The following ASTN2 variants were observed in gnomAD, a reference collection of about 807,000 sequenced individuals.
The protein encoded by ASTN2 is astrotactin 2.
ASTN2 carries 54 observed loss-of-function variants against 139.8 expected under a neutral mutation model. The ratio of observed to expected loss-of-function variants is 0.39; its 90% confidence interval spans 0.31 to 0.48. ASTN2 has a LOEUF of 0.48. Ranked by LOEUF, ASTN2 falls within the 20% of genes least tolerant of loss-of-function variation. ASTN2 has a pLI of 0.95. For synonymous variants in ASTN2, 756 were observed against 719.5 expected, an observed-to-expected ratio of 1.05 and a Z score of -0.81; for missense variants, 1,565 against 1,725.1, an observed-to-expected ratio of 0.91 and a Z score of 1.64.
intron 22 of ASTN2, among the ~76,000 whole-genome samples, chr9:116,436,605 T>C (rs931537090): frequency 6.6e-6 from 1 of 152,172 alleles, no homozygotes; most frequent in Non-Finnish European, 1.5e-5. Flanking sequence ...GCAGGAAAGA[T>C]AGTTAAACCA....
chr9:117,256,640 T>C (rs1333484177), intron 2 of ASTN2, among the ~76,000 whole-genome samples: 4 of 152,078 alleles, frequency 2.6e-5, no homozygotes, highest in South Asian at 2.1e-4. Context: ...AAATCTAGAC[T>C]ACGTTATAGT....
chr9:116,710,269 G>A (rs1256558304), intron 16 of ASTN2, among the ~76,000 whole-genome samples: 1 of 152,076 alleles, frequency 6.6e-6, no homozygotes, highest in Non-Finnish European at 1.5e-5. Flanking sequence ...TCCCTAGAAA[G>A]CTTCATTATG....
In ASTN2 at chr9:117,265,162, C is replaced by A. The variant is rs562203290; in HGVS notation, c.630+26164G>T. Reference sequence around the variant, plus strand: ...TAGGAATTTGACTGTAAGTGGCTTACTTGGAAAGTGATTTCAGAAATAACT... The same window carrying A: ...TAGGAATTTGACTGTAAGTGGCTTAATTGGAAAGTGATTTCAGAAATAACT... On this transcript the variant is annotated intron_variant, in intron 2 of 22. Coordinates refer to ENST00000313400, the MANE Select transcript of ASTN2 (RefSeq NM_001365068.1). Among the ~76,000 whole-genome samples, 107 of 152,196 alleles carry A rather than the reference C, an allele frequency of 7.0e-4. 1 individual carries two copies. The South Asian group carries it at 0.021, about 30-fold the overall frequency.
intron 10 of ASTN2, among the ~76,000 whole-genome samples, chr9:116,906,522 C>A (rs149895341): frequency 2.3e-4 from 35 of 152,288 alleles, no homozygotes; most frequent in African/African-American, 6.0e-4. Flanking sequence ...CTCTTCCCAA[C>A]GCCCATGGAA....
At chr9:116,929,967 G>A (rs1340480160) in intron 10 of ASTN2, among the ~76,000 whole-genome samples, 1 of 152,206 alleles carries the variant, frequency 6.6e-6, no homozygotes, top group Non-Finnish European at 1.5e-5. Flanking sequence ...AATCTCAGCT[G>A]TCAGTCCCCT....
chr9:117,264,771 T>A (rs1833904122), intron 2 of ASTN2, among the ~76,000 whole-genome samples: 1 of 152,364 alleles, frequency 6.6e-6, no homozygotes, highest in Admixed American at 6.5e-5. Flanking sequence ...TTAACGTTTT[T>A]GTTTGCTTGT....
At chr9:117,404,857 A>G (rs568653552) in intron 1 of ASTN2, among the ~76,000 whole-genome samples, 1 of 152,302 alleles carries the variant, frequency 6.6e-6, no homozygotes, top group South Asian at 2.1e-4. Flanking sequence ...AAGGGGGAAA[A>G]AAAAGAAGGA....
At chr9:116,624,410 T>C (rs1430733542) in intron 17 of ASTN2, among the ~76,000 whole-genome samples, 3 of 152,176 alleles carry the variant, frequency 2.0e-5, no homozygotes, top group Admixed American at 1.3e-4. Context: ...AAAGGATCCG[T>C]GGCTTATTAG....
chr9:117,344,200 C>T (rs1829147316), intron 1 of ASTN2, among the ~76,000 whole-genome samples: 1 of 151,968 alleles, frequency 6.6e-6, no homozygotes, highest in South Asian at 2.1e-4. Flanking sequence ...AAAAACCCAT[C>T]CCCAAAAGCA....
intron 2 of ASTN2, among the ~76,000 whole-genome samples, chr9:117,237,002 G>C (rs1200598517): frequency 6.6e-6 from 1 of 152,154 alleles, no homozygotes; most frequent in Non-Finnish European, 1.5e-5. Flanking sequence ...CCAATTGCCA[G>C]TCTCAGATTA....
In ASTN2 at chr9:116,737,139, G is replaced by A. The variant is rs1574524; in HGVS notation, c.2397-3616C>T. Reference sequence around the variant, plus strand: ...TGGCAGGTAGGCGGAGATGAAGCCCGAATGAACAGCCCAGCGACGGCATGG... The same window carrying A: ...TGGCAGGTAGGCGGAGATGAAGCCCAAATGAACAGCCCAGCGACGGCATGG... On this transcript the variant is annotated intron_variant, in intron 13 of 22. Coordinates refer to ENST00000313400, the MANE Select transcript of ASTN2 (RefSeq NM_001365068.1). Among the ~76,000 whole-genome samples, 944 of 152,370 alleles carry A rather than the reference G, an allele frequency of 6.2e-3. 60 individuals are homozygous for A. In the South Asian group the frequency reaches 0.16, roughly 26 times the overall value.
chr9:116,489,008 T>C (rs1427268504), intron 19 of ASTN2, among the ~76,000 whole-genome samples: 2 of 152,200 alleles, frequency 1.3e-5, no homozygotes, highest in Non-Finnish European at 2.9e-5. Context: ...TATAAAATGA[T>C]ATGAGGCCTC....
At chr9:116,938,081 A>T (rs1835126974) in intron 10 of ASTN2, among the ~76,000 whole-genome samples, 1 of 152,218 alleles carries the variant, frequency 6.6e-6, no homozygotes, top group Non-Finnish European at 1.5e-5. Context: ...TTGTTCAATC[A>T]TGCAGTGGAG....
In ASTN2 at chr9:116,854,738, G is replaced by A. The variant is rs540193932; in HGVS notation, c.2040+8845C>T. 2.1e-3 allele frequency among the ~76,000 whole-genome samples: 304 copies of A among 146,750 alleles called. 1 individual carries two copies. In the Middle Eastern group the frequency reaches 0.021, roughly 10 times the overall value. On this transcript the variant is annotated intron_variant, in intron 11 of 22. Transcript: ENST00000313400. ...ACCATCTTGGCTCACTGCAAGCTCC[G>A]CCTCCCGGGTTCACGCCATTCTCCT...
At chr9:116,443,712 G>A (rs1423099122) in intron 20 of ASTN2, among the ~76,000 whole-genome samples, 1 of 152,140 alleles carries the variant, frequency 6.6e-6, no homozygotes, top group Non-Finnish European at 1.5e-5. Flanking sequence ...AGAACAGTCT[G>A]ATAGAAGGGT....
chr9:117,118,028 A>G (rs1324204595), intron 4 of ASTN2, among the ~76,000 whole-genome samples: 1 of 152,162 alleles, frequency 6.6e-6, no homozygotes, highest in African/African-American at 2.4e-5. Flanking sequence ...ACGAGGAAAA[A>G]AGTGCCAGGT....
chr9:117,173,919 A>G (rs536304682), intron 3 of ASTN2, among the ~76,000 whole-genome samples: 44 of 151,738 alleles, frequency 2.9e-4, no homozygotes, highest in African/African-American at 9.2e-4. Flanking sequence ...TAAACCTTTT[A>G]TCACTACGTC....
Position 117,214,698 on chromosome 9 carries a change from C to G in ASTN2, c.675G>C (p.Val225=), listed in dbSNP as rs922805815. ...ALLLLLLVFT[V]ALYAQRRWQK... ...GCCAACGTCGCTGGGCGTACAGCGC[C>G]ACGGTGAACACCAGCAGCAGCAGCA... Residue 225 remains valine, a synonymous_variant, in exon 3 of 23, where the codon GTG becomes GTC. Coordinates refer to ENST00000313400, the MANE Select transcript of ASTN2 (RefSeq NM_001365068.1). 8 of 1,523,900 alleles carry G rather than the reference C, an allele frequency of 5.2e-6. No homozygotes were observed. The African/African-American group carries it at 1.1e-4, about 21-fold the overall frequency. 94.4% of individuals were successfully genotyped at this position (1,523,900 alleles called of 1,614,324 possible).
chr9:116,565,555 G>A (rs540192197), intron 19 of ASTN2, among the ~76,000 whole-genome samples: 3 of 123,280 alleles, frequency 2.4e-5, no homozygotes, highest in African/African-American at 9.3e-5. Context: ...TTCCCACCCC[G>A]GACCCCAAGC....
Sources: allele counts gnomAD v4.1 joint callset (sites outside exome capture counted in the v4.1 genomes callset), GRCh38; gene constraint gnomAD v4.1.1; transcripts MANE v1.5; gene names NCBI Gene and HGNC (gene_info 2026-07-23, HGNC 2026-07-21).